Variants in FAR2 observed in about 807,000 individuals in gnomAD.
FAR2 encodes the protein fatty acyl-CoA reductase 2.
A neutral mutation model predicts 56.0 loss-of-function variants in FAR2; 19 were observed. The observed-to-expected ratio is 0.34, with a 90% confidence interval of 0.24 to 0.50. The LOEUF is 0.50. FAR2 is among the 20% of genes least tolerant of loss of function. The probability of loss-of-function intolerance (pLI) is 0.98; values close to 1 mark genes in which losing one functional copy is unlikely to be tolerated. For missense variants in FAR2, 508 were observed against 642.2 expected, an observed-to-expected ratio of 0.79 and a Z score of 2.26; for synonymous variants, 219 against 218.8, an observed-to-expected ratio of 1.00 and a Z score of -0.01.
At chr12:29,161,962 A>G (rs886815051) in intron 1 of FAR2, among the ~76,000 whole-genome samples, 4 of 151,916 alleles carry the variant, frequency 2.6e-5, no homozygotes, top group African/African-American at 2.4e-5. Context: ...TCATTTGTCT[A>G]TTGGGTTATC....
At chr12:29,255,670 G>C (rs901892310) in intron 1 of FAR2, among the ~76,000 whole-genome samples, 26 of 151,426 alleles carry the variant, frequency 1.7e-4, no homozygotes, top group African/African-American at 6.1e-4. Flanking sequence ...TGTTGCCCAG[G>C]CTGGTGTGCA....
chr12:29,181,949 A>AC (rs1778010141), intron 1 of FAR2, among the ~76,000 whole-genome samples: 1 of 152,248 alleles, frequency 6.6e-6, no homozygotes, highest in Non-Finnish European at 1.5e-5. Context: ...AGACAGATAG[A>AC]TAGATAGACA....
intron 5 of FAR2, 144 bp downstream of exon 5, chr12:29,307,979 C>G: frequency 1.2e-6 from 1 of 809,978 alleles, no homozygotes; most frequent in Non-Finnish European, 1.8e-6. Flanking sequence ...TATACTAGGG[C>G]AAAATTCCAC....
chr12:29,173,778 G>A lies in FAR2; in HGVS notation c.-39+24371G>A, dbSNP rs146167127. Among the ~76,000 whole-genome samples, 314 of 151,860 alleles carry A rather than the reference G, an allele frequency of 2.1e-3. 1 individual carries two copies. Among genetic ancestry groups the A allele is most frequent in the Admixed American group, 3.3e-3 (51 of 15,236 alleles). On this transcript the variant is annotated intron_variant, in intron 1 of 11. Transcript: ENST00000536681. ...CCACACCCCCCCTACCCAAGAACCC[G>A]CGACAGTCCCTAGACCCTGCTGATC...
chr12:29,332,238 G>T (rs1235887204), intron 10 of FAR2, among the ~76,000 whole-genome samples: 2 of 152,174 alleles, frequency 1.3e-5, no homozygotes, highest in Non-Finnish European at 2.9e-5. Flanking sequence ...CATCATTTAT[G>T]TTTTGGTCAC....
chr12:29,258,182 TAA>T (rs3032977), intron 1 of FAR2, among the ~76,000 whole-genome samples: 48,203 of 146,084 alleles, frequency 0.33, 8,002 homozygotes, highest in Non-Finnish European at 0.37. Context: ...TGTCTTTACT[TAA>T]AAAAAAAAAA....
intron 8 of FAR2, among the ~76,000 whole-genome samples, chr12:29,313,265 C>T (rs1402540295): frequency 6.6e-6 from 1 of 152,092 alleles, no homozygotes; most frequent in Non-Finnish European, 1.5e-5. Flanking sequence ...ATGCTATCAA[C>T]CTGTGCATAA....
intron 1 of FAR2, among the ~76,000 whole-genome samples, chr12:29,218,451 C>G (rs1565475429): frequency 6.6e-6 from 1 of 151,444 alleles, no homozygotes; most frequent in Non-Finnish European, 1.5e-5. Context: ...ATGATCCCAA[C>G]TGAAGCAAGG....
chr12:29,194,396 A>G (rs1409913205), intron 1 of FAR2, among the ~76,000 whole-genome samples: 1 of 152,090 alleles, frequency 6.6e-6, no homozygotes, highest in African/African-American at 2.4e-5. Flanking sequence ...AGGTACTGAT[A>G]TGATTGTGCC....
chr12:29,275,420 AGG>A (rs1948694308), intron 2 of FAR2, among the ~76,000 whole-genome samples: 1 of 152,180 alleles, frequency 6.6e-6, no homozygotes, highest in Admixed American at 6.5e-5. Flanking sequence ...GTGTACGTGC[AGG>A]TCACTGGGGA....
In FAR2 at chr12:29,333,871, A is replaced by T. The variant is rs1949765245; in HGVS notation, c.*77A>T. Reference sequence around the variant, plus strand: ...AGCAAACTGTGATTCTCAAGATTAGAAAGTAACAAGGAATATGCCCAAACT... The same window carrying T: ...AGCAAACTGTGATTCTCAAGATTAGTAAGTAACAAGGAATATGCCCAAACT... On this transcript the variant is annotated 3_prime_UTR_variant, in exon 12 of 12. Transcript: ENST00000536681. The T allele has an allele frequency of 2.2e-6, 3 of 1,387,998 alleles. No homozygotes were observed. In the East Asian group the frequency reaches 6.9e-5, roughly 32 times the overall value. The allele number at this position is 1,387,998 out of a possible 1,614,324, so 86.0% of individuals were successfully genotyped here.
chr12:29,255,377 C>A (rs774870713), intron 1 of FAR2, among the ~76,000 whole-genome samples: 1 of 152,198 alleles, frequency 6.6e-6, no homozygotes, highest in Non-Finnish European at 1.5e-5. Context: ...ACCTTAATAA[C>A]CTTCTAAAGT....
Position 29,333,915 on chromosome 12 carries a change from T to C in FAR2, c.*121T>C, listed in dbSNP as rs548735225. 3.0e-4 allele frequency: 270 copies of C among 904,628 alleles called. No individual in the cohort carries two copies. Among genetic ancestry groups the C allele is most frequent in the Non-Finnish European group, 4.3e-4 (255 of 596,034 alleles). The allele number at this position is 904,628 out of a possible 1,614,324, so 56.0% of individuals were successfully genotyped here. ...CCAAACTGTCAAATGTCACCTGTTA[T>C]GTATTCGTCCCTATTCCTTAACTAT... On this transcript the variant is annotated 3_prime_UTR_variant, in exon 12 of 12. Transcript: ENST00000536681.
intron 1 of FAR2, among the ~76,000 whole-genome samples, chr12:29,212,455 A>G (rs998550389): frequency 1.3e-5 from 2 of 152,088 alleles, no homozygotes; most frequent in Non-Finnish European, 2.9e-5. Flanking sequence ...AATCTTCTAT[A>G]CTTACAATAA....
At chr12:29,307,936 T>C in intron 5 of FAR2, 101 bp downstream of exon 5, 2 of 1,270,708 alleles carry the variant, frequency 1.6e-6, no homozygotes, top group Non-Finnish European at 2.1e-6. Context: ...TCAGGATTTA[T>C]AGCTAAGTGC....
At chr12:29,286,724 T>C (rs1383331165) in intron 2 of FAR2, among the ~76,000 whole-genome samples, 2 of 152,206 alleles carry the variant, frequency 1.3e-5, no homozygotes, top group East Asian at 3.8e-4. Context: ...TGAACTAAAA[T>C]TTTGTTAAAT....
intron 2 of FAR2, among the ~76,000 whole-genome samples, chr12:29,272,572 G>T (rs767049592): frequency 6.6e-6 from 1 of 152,122 alleles, no homozygotes; most frequent in Non-Finnish European, 1.5e-5. Context: ...CTTTAGGTTA[G>T]AACATGCTCC....
intron 4 of FAR2, among the ~76,000 whole-genome samples, chr12:29,300,692 T>C (rs1157240741): frequency 1.3e-5 from 2 of 152,088 alleles, no homozygotes; most frequent in African/African-American, 2.4e-5. Flanking sequence ...GTGGCTGCCA[T>C]TGCTCTTAGT....
intron 4 of FAR2, among the ~76,000 whole-genome samples, chr12:29,301,475 T>C (rs1335565786): frequency 1.3e-5 from 2 of 152,244 alleles, no homozygotes; most frequent in Non-Finnish European, 2.9e-5. Flanking sequence ...TTTTTTAAAA[T>C]GCACATAACT....
Sources: allele counts gnomAD v4.1 joint callset (sites outside exome capture counted in the v4.1 genomes callset), GRCh38; gene constraint gnomAD v4.1.1; transcripts MANE v1.5; gene names NCBI Gene and HGNC (gene_info 2026-07-23, HGNC 2026-07-21).